Variants in FGD6 observed in about 807,000 individuals in gnomAD.
The protein encoded by FGD6 is FYVE, RhoGEF and PH domain-containing protein 6.
A neutral mutation model predicts 149.4 loss-of-function variants in FGD6; 90 were observed. That is an observed-to-expected ratio of 0.60 (90% confidence interval 0.51 to 0.72). The LOEUF (loss-of-function observed/expected upper bound fraction) is 0.72. FGD6 is among the 30% of genes least tolerant of loss of function. The pLI is 0.00. For synonymous variants in FGD6, 527 were observed against 584.0 expected (o/e 0.90, Z 1.41); for missense variants, 1,437 against 1,684.8 (o/e 0.85, Z 2.57).
chr12:95,098,081 T>C (rs888536446), intron 14 of FGD6, among the ~76,000 whole-genome samples: 1 of 152,124 alleles, frequency 6.6e-6, no homozygotes, highest in Admixed American at 6.6e-5. Context: ...TACTTCCCTC[T>C]GAAATCCAGA....
intron 3 of FGD6, among the ~76,000 whole-genome samples, chr12:95,162,100 C>CAAAAA (rs762218917): frequency 3.4e-4 from 21 of 61,806 alleles, no homozygotes; most frequent in South Asian, 6.2e-4. Context: ...CTGAAAAATA[C>CAAAAA]AAAAAAAAAA....
At chr12:95,092,561 C>A in intron 16 of FGD6, 138 bp downstream of exon 16, 1 of 913,954 alleles carries the variant, frequency 1.1e-6, no homozygotes, top group Non-Finnish European at 1.5e-6. Flanking sequence ...TTCATGTTTG[C>A]TACCATTAAC....
Position 95,084,127 on chromosome 12 carries a change from AT to A in FGD6, c.4256+370del, listed in dbSNP as rs1877782990. On this transcript the variant is annotated intron_variant, in intron 20 of 20. Transcript: ENST00000343958. ...TTCCATGGCACAAATGAATCGCTGG[AT>A]TGCCAAAGTCCTGGAATGTTTCAAG... Among the ~76,000 whole-genome samples the A allele has an allele frequency of 1.3e-5, 2 of 152,358 alleles. 1 individual carries two copies. Among genetic ancestry groups the A allele is most frequent in the Non-Finnish European group, 2.9e-5 (2 of 68,032 alleles).
intron 8 of FGD6, among the ~76,000 whole-genome samples, chr12:95,114,180 A>G (rs940009290): frequency 9.9e-5 from 15 of 152,166 alleles, no homozygotes; most frequent in African/African-American, 3.6e-4. Context: ...GGAACTCAAT[A>G]TATGTATTTA....
At chr12:95,168,780 CAA>C (rs1427572596) in intron 3 of FGD6, among the ~76,000 whole-genome samples, 2 of 152,224 alleles carry the variant, frequency 1.3e-5, no homozygotes, top group East Asian at 3.9e-4. Context: ...AAAATAAAGT[CAA>C]GTGTCCACTT....
rs202100804 is a variant in FGD6, at chr12:95,210,343, G to A, written c.941C>T (p.Thr314Ile). The stretch of plus-strand genomic sequence containing the variant: ...AGTTCGTGTCTTTCTGGGCTTGGGA[G>A]TTGGAAATTTTGGGGTATATGGTAC... ...HLVPYTPKFP[T>I]PKPRKTRTAR... Residue 314 changes from threonine to isoleucine, a missense_variant, in exon 2 of 21, where the codon ACT (threonine) becomes ATT (isoleucine). By Grantham distance (89) the Thr-to-Ile change is moderately conservative (BLOSUM62 -1). Coordinates refer to ENST00000343958, the MANE Select transcript of FGD6 (RefSeq NM_018351.4). 29 of 1,613,854 alleles carry A rather than the reference G, an allele frequency of 1.8e-5. No individual in the cohort carries two copies. The Admixed American group carries it at 2.7e-4, about 15-fold the overall frequency.
At chr12:95,195,252 T>C (rs536293221) in intron 2 of FGD6, among the ~76,000 whole-genome samples, 13 of 152,266 alleles carry the variant, frequency 8.5e-5, no homozygotes, top group African/African-American at 3.1e-4. Flanking sequence ...GCAGGTAAAA[T>C]GTCACTATGT....
At chr12:95,192,095 T>A (rs543560090) in intron 2 of FGD6, among the ~76,000 whole-genome samples, 2 of 152,196 alleles carry the variant, frequency 1.3e-5, no homozygotes. Context: ...ACACAAATAG[T>A]TGTTATATTA....
rs1326741994 is a variant in FGD6 at position 95,094,637 on chromosome 12, A to C, written c.3555T>G (p.Tyr1185Ter). 1 of 1,613,584 alleles carries C rather than the reference A, an allele frequency of 6.2e-7. No homozygotes were observed. The highest frequency in any genetic ancestry group is 8.5e-7 in the Non-Finnish European group (1 of 1,179,920). ...GACAGAAGGTGATTCTTTTCTTGGCATACTCTTCTATTGCCCTGGAAATCG... is the reference window on the plus strand; with the variant it reads ...GACAGAAGGTGATTCTTTTCTTGGCCTACTCTTCTATTGCCCTGGAAATCG... ...LEAISRAIEE[Y>*]AKKRITFCPS... Residue 1185 changes from tyrosine to a stop codon, truncating the protein, a stop_gained, in exon 15 of 21, where the codon TAT becomes TAG. Coordinates refer to ENST00000343958, the MANE Select transcript of FGD6 (RefSeq NM_018351.4). LOFTEE classifies it high-confidence loss of function.
chr12:95,205,210 G>A (rs910905875), intron 2 of FGD6, among the ~76,000 whole-genome samples: 8 of 152,010 alleles, frequency 5.3e-5, no homozygotes, highest in Admixed American at 3.3e-4. Flanking sequence ...CAAGGCTACA[G>A]TGAGCAGTGA....
chr12:95,146,202 ATCT>A (rs1309538837), intron 5 of FGD6, among the ~76,000 whole-genome samples: 6 of 152,230 alleles, frequency 3.9e-5, no homozygotes, highest in African/African-American at 1.2e-4. Flanking sequence ...CACACGCAGA[ATCT>A]TTAACTTCTC....
Position 95,085,848 on chromosome 12 carries a change from T to G in FGD6, c.4039A>C (p.Lys1347Gln). The change falls in exon 19 of 21, where the codon AAA becomes CAA. Residue 1347 changes from lysine to glutamine, a missense_variant. This residue lies in a region of FGD6 where 382 missense variants were observed against 538.7 expected (regional missense o/e 0.71). Transcript: ENST00000343958. ...AACCAAAAGTGTTTCCAGGGTTTTT[T>G]ATTGCCCTTTGATCTGTACAAGTAG... ...SGYLYRSKGN[K>Q]KPWKHFWFVI... 1 of 1,614,008 alleles carries G rather than the reference T, an allele frequency of 6.2e-7. No individual in the cohort carries two copies.
intron 13 of FGD6, 21 bp downstream of exon 13, chr12:95,106,933 A>C (rs1430532755): frequency 6.4e-7 from 1 of 1,562,110 alleles, no homozygotes; most frequent in Admixed American, 1.7e-5. Context: ...AAAAAACAAA[A>C]CATCTAACAG....
At chr12:95,124,099 G>A (rs1879268081) in intron 8 of FGD6, among the ~76,000 whole-genome samples, 1 of 149,826 alleles carries the variant, frequency 6.7e-6, no homozygotes, top group South Asian at 2.1e-4. Flanking sequence ...TTTTAAAGAG[G>A]TGGGGTCTCC....
intron 8 of FGD6, among the ~76,000 whole-genome samples, chr12:95,122,056 C>T (rs1879207001): frequency 6.6e-6 from 1 of 152,030 alleles, no homozygotes; most frequent in African/African-American, 2.4e-5. Flanking sequence ...TATTGTGTAA[C>T]TTTAATTGTT....
chr12:95,149,689 A>G (rs1379391502), intron 5 of FGD6, among the ~76,000 whole-genome samples: 2 of 145,250 alleles, frequency 1.4e-5, no homozygotes, highest in Non-Finnish European at 3.0e-5. Context: ...TCACCCTAAC[A>G]AATTTGTTGA....
In FGD6 at chr12:95,139,927, G is replaced by A. The variant is rs147212879; in HGVS notation, c.2837+1461C>T. On this transcript the variant is annotated intron_variant, in intron 6 of 20. Coordinates refer to ENST00000343958, the MANE Select transcript of FGD6 (RefSeq NM_018351.4). ...GCTGGGATTACAGGCATGAGCCACCGTGCTCGGCCTATCACGACCTTTAAA... is the reference window on the plus strand; with the variant it reads ...GCTGGGATTACAGGCATGAGCCACCATGCTCGGCCTATCACGACCTTTAAA... Among the ~76,000 whole-genome samples the A allele has an allele frequency of 1.9e-3, 291 of 152,190 alleles. 1 individual carries two copies. The highest frequency in any genetic ancestry group is 0.01 in the Middle Eastern group (3 of 294).
At chr12:95,145,862 T>C (rs566995498) in intron 5 of FGD6, among the ~76,000 whole-genome samples, 29 of 152,184 alleles carry the variant, frequency 1.9e-4, no homozygotes, top group African/African-American at 6.5e-4. Flanking sequence ...TTAGTAGATA[T>C]GGGGTTTCAC....
intron 2 of FGD6, among the ~76,000 whole-genome samples, chr12:95,175,815 A>AAAAAG (rs1565916336): frequency 8.4e-5 from 12 of 142,822 alleles, no homozygotes; most frequent in African/African-American, 2.0e-4. Context: ...AAAAAAAAAA[A>AAAAAG]AAAAGAAAAA....
Sources: gnomAD v4.1 joint callset for allele counts (sites outside exome capture counted in the v4.1 genomes callset) on GRCh38, gnomAD v4.1.1 for gene constraint, gnomAD v4.1.1 regional missense constraint, MANE v1.5 for transcripts, NCBI Gene and HGNC (gene_info 2026-07-23, HGNC 2026-07-21) for gene names.